The following NSUN6 variants were observed in gnomAD, a reference collection of about 807,000 sequenced individuals.
NSUN6 encodes the protein NOP2/Sun RNA methyltransferase 6.
NSUN6 carries 64 observed loss-of-function variants against 58.0 expected under a neutral mutation model. The ratio of observed to expected loss-of-function variants is 1.10; its 90% CI spans 0.90 to 1.36. The LOEUF (loss-of-function observed/expected upper bound fraction) is 1.36, where lower values mean the gene tolerates loss of function less well. Among genes scored for constraint, NSUN6 ranks in the 40% most tolerant of loss-of-function variants. The probability of loss-of-function intolerance (pLI) is 0.00; values close to 1 mark genes in which losing one functional copy is unlikely to be tolerated. For missense variants in NSUN6, 701 were observed against 550.1 expected, an observed-to-expected ratio of 1.27 and a Z score of -2.74; for synonymous variants, 231 against 193.9, an observed-to-expected ratio of 1.19 and a Z score of -1.59.
At chr10:18,641,874 G>C (rs1236509667) in intron 3 of NSUN6, among the ~76,000 whole-genome samples, 1 of 152,028 alleles carries the variant, frequency 6.6e-6, no homozygotes, top group Admixed American at 6.6e-5. Flanking sequence ...TTCAATACCA[G>C]CCTGGGACAC....
intron 10 of NSUN6, among the ~76,000 whole-genome samples, chr10:18,547,366 T>C (rs2054338112): frequency 6.6e-6 from 1 of 152,230 alleles, no homozygotes; most frequent in Non-Finnish European, 1.5e-5. Context: ...TTCCGAAGTC[T>C]TCCTTTCATC....
chr10:18,600,900 C>A lies in NSUN6; in HGVS notation c.658-4573G>T, dbSNP rs546714809. On this transcript the variant is annotated intron_variant, in intron 6 of 10. Coordinates refer to ENST00000377304, the MANE Select transcript of NSUN6 (RefSeq NM_182543.5). ...TGGAGATCATGCCATCGTACTCCAG[C>A]CTGAGTGAAAGAGCAAGACTCCATC... Among the ~76,000 whole-genome samples, 40 of 107,070 alleles carry A rather than the reference C, an allele frequency of 3.7e-4. 1 individual carries two copies. 70.2% of individuals were successfully genotyped at this position (107,070 alleles called of 152,430 possible).
At chr10:18,556,497 AGAGAATGGAATGGAACG>A in intron 8 of NSUN6, among the ~76,000 whole-genome samples, 1 of 146,258 alleles carries the variant, frequency 6.8e-6, no homozygotes, top group East Asian at 2.1e-4. Context: ...AGAATGGAAT[AGAGAATGGAATGGAACG>A]GAGAATGGAA....
intron 3 of NSUN6, 136 bp from the exon 4 acceptor site, chr10:18,616,429 G>A (rs541027511): frequency 3.7e-6 from 2 of 545,732 alleles, no homozygotes; most frequent in African/African-American, 1.9e-5. Flanking sequence ...TGAAAAGAGA[G>A]GCATACATAT....
intron 3 of NSUN6, among the ~76,000 whole-genome samples, chr10:18,624,041 T>C (rs560217914): frequency 1.3e-5 from 2 of 151,812 alleles, no homozygotes; most frequent in African/African-American, 4.8e-5. Context: ...GGCACACACA[T>C]ACACAAAAAG....
At chr10:18,555,094 G>C (rs767530115) in intron 8 of NSUN6, among the ~76,000 whole-genome samples, 3 of 151,382 alleles carry the variant, frequency 2.0e-5, no homozygotes, top group Non-Finnish European at 4.4e-5. Flanking sequence ...ATAGAGAATG[G>C]AATGGAGTGA....
chr10:18,548,083 T>C (rs1275168916), intron 10 of NSUN6, 29 bp downstream of exon 10: 3 of 1,609,498 alleles, frequency 1.9e-6, no homozygotes, highest in Middle Eastern at 3.3e-4. Context: ...TTTATCTTAT[T>C]ACACAGAGAA....
At chr10:18,619,406 G>C (rs2131377019) in intron 3 of NSUN6, among the ~76,000 whole-genome samples, 1 of 152,234 alleles carries the variant, frequency 6.6e-6, no homozygotes, top group South Asian at 2.1e-4. Context: ...GCCTTGTAAT[G>C]ACTACTGGGT....
At chr10:18,641,045 A>T (rs1394561173) in intron 3 of NSUN6, among the ~76,000 whole-genome samples, 2 of 152,126 alleles carry the variant, frequency 1.3e-5, no homozygotes, top group Non-Finnish European at 2.9e-5. Context: ...CTGCAAAAAA[A>T]GTAATTATCC....
At chr10:18,575,382 G>C (rs2056597732) in intron 8 of NSUN6, among the ~76,000 whole-genome samples, 1 of 152,160 alleles carries the variant, frequency 6.6e-6, no homozygotes, top group African/African-American at 2.4e-5. Flanking sequence ...ATTTACTAGT[G>C]ATAGTAGACC....
At chr10:18,653,255 A>G (rs936869861), upstream of NSUN6, 7 of 983,636 alleles carry the variant, frequency 7.1e-6, no homozygotes, top group African/African-American at 1.2e-4. Flanking sequence ...TACTTACTGA[A>G]TGACTAAATG....
intron 3 of NSUN6, among the ~76,000 whole-genome samples, chr10:18,630,293 G>A (rs1190098242): frequency 6.7e-6 from 1 of 149,330 alleles, no homozygotes; most frequent in Non-Finnish European, 1.5e-5. Flanking sequence ...ATGCCCACAA[G>A]AGAAAGCAGG....
intron 2 of NSUN6, among the ~76,000 whole-genome samples, chr10:18,644,199 T>C (rs1434487648): frequency 6.6e-6 from 1 of 152,190 alleles, no homozygotes; most frequent in African/African-American, 2.4e-5. Flanking sequence ...TATCTTTCTT[T>C]CTCTATAAAT....
At chr10:18,607,751 G>A (rs1376389699) in intron 6 of NSUN6, among the ~76,000 whole-genome samples, 1 of 152,218 alleles carries the variant, frequency 6.6e-6, no homozygotes, top group Non-Finnish European at 1.5e-5. Context: ...AAGAATACAG[G>A]CTTGAAATCA....
At chr10:18,624,160 C>G (rs531543571) in intron 3 of NSUN6, among the ~76,000 whole-genome samples, 1 of 151,878 alleles carries the variant, frequency 6.6e-6, no homozygotes, top group South Asian at 2.1e-4. Context: ...GATAAAAGAA[C>G]AAAGATGAAA....
chr10:18,626,769 G>C (rs2058824057), intron 3 of NSUN6, among the ~76,000 whole-genome samples: 1 of 144,294 alleles, frequency 6.9e-6, no homozygotes, highest in African/African-American at 2.6e-5. Context: ...CTCCGTCCTG[G>C]GTGGGGGAAA....
At chr10:18,618,152 T>C (rs1001114094) in intron 3 of NSUN6, among the ~76,000 whole-genome samples, 2 of 152,162 alleles carry the variant, frequency 1.3e-5, no homozygotes, top group Admixed American at 6.6e-5. Context: ...TGGACACATA[T>C]CTCTTTGTGA....
chr10:18,552,069 A>T (rs1270838088), intron 8 of NSUN6, 98 bp from the exon 9 acceptor site: 10 of 719,326 alleles, frequency 1.4e-5, no homozygotes, highest in Admixed American at 1.1e-4. Flanking sequence ...AATCTAGAAT[A>T]AAAAAATGAA....
intron 3 of NSUN6, among the ~76,000 whole-genome samples, chr10:18,620,968 A>G (rs1249206736): frequency 6.6e-6 from 1 of 152,244 alleles, no homozygotes; most frequent in Non-Finnish European, 1.5e-5. Flanking sequence ...TGCAGAAAAA[A>G]GTTAACATAG....
Sources: allele counts gnomAD v4.1 joint callset (sites outside exome capture counted in the v4.1 genomes callset), GRCh38; gene constraint gnomAD v4.1.1; transcripts MANE v1.5; gene names NCBI Gene and HGNC (gene_info 2026-07-23, HGNC 2026-07-21).